MYO18B: variants seen among roughly 807,000 people sequenced by gnomAD.
MYO18B encodes the protein unconventional myosin-XVIIIb.
In MYO18B, 204 loss-of-function variants were observed where a neutral mutation model predicts 273.0. That is an observed-to-expected ratio of 0.75 (90% CI 0.67 to 0.84). MYO18B has a LOEUF of 0.84. Among genes scored for constraint, MYO18B ranks in the 40% least tolerant of loss-of-function variants. MYO18B has a pLI of 0.00. For synonymous variants in MYO18B, 1,330 were observed against 1,305.7 expected, an observed-to-expected ratio of 1.02 and a Z score of -0.40; for missense variants, 3,212 against 3,287.6, an observed-to-expected ratio of 0.98 and a Z score of 0.56.
chr22:26,008,533 T>A (rs761544644), intron 42 of MYO18B, among the ~76,000 whole-genome samples: 3 of 152,212 alleles, frequency 2.0e-5, no homozygotes, highest in Admixed American at 6.5e-5. Context: ...ATTCCCCACA[T>A]TATTTATAAG....
At chr22:25,887,420 A>G (rs987793681) in intron 25 of MYO18B, among the ~76,000 whole-genome samples, 8 of 152,178 alleles carry the variant, frequency 5.3e-5, no homozygotes, top group Admixed American at 3.3e-4. Context: ...TACAAAATAT[A>G]CAACAAATTT....
intron 1 of MYO18B, among the ~76,000 whole-genome samples, chr22:25,759,479 T>C (rs909322745): frequency 6.7e-6 from 1 of 148,710 alleles, no homozygotes; most frequent in African/African-American, 2.5e-5. Flanking sequence ...TGAGAACACA[T>C]GGACACAGGG....
At chr22:25,857,329 A>G (rs2090602049) in intron 21 of MYO18B, among the ~76,000 whole-genome samples, 1 of 152,174 alleles carries the variant, frequency 6.6e-6, no homozygotes, top group African/African-American at 2.4e-5. Context: ...AAGTGTCTAC[A>G]GTGTTGATTG....
intron 3 of MYO18B, among the ~76,000 whole-genome samples, chr22:25,767,719 G>T (rs1027613133): frequency 6.6e-6 from 1 of 152,192 alleles, no homozygotes; most frequent in South Asian, 2.1e-4. Flanking sequence ...CACACTATGC[G>T]CTGGGCTCAG....
chr22:25,822,635 G>A (rs1482923139), intron 12 of MYO18B, among the ~76,000 whole-genome samples: 1 of 152,216 alleles, frequency 6.6e-6, no homozygotes, highest in Non-Finnish European at 1.5e-5. Context: ...AGCAGGACGA[G>A]TCACAGACAA....
chr22:25,927,357 C>A (rs2092435940), intron 34 of MYO18B, among the ~76,000 whole-genome samples: 1 of 152,118 alleles, frequency 6.6e-6, no homozygotes, highest in South Asian at 2.1e-4. Flanking sequence ...TTATAAACAG[C>A]CCCCCTAGGT....
intron 26 of MYO18B, 140 bp from the exon 27 acceptor site, chr22:25,891,164 A>G: frequency 1.4e-6 from 1 of 726,498 alleles, no homozygotes. Context: ...GAAGGTGGCT[A>G]GCCCATGGTC....
At chr22:26,019,036 A>T (rs2146979273) in intron 42 of MYO18B, among the ~76,000 whole-genome samples, 1 of 152,322 alleles carries the variant, frequency 6.6e-6, no homozygotes, top group Non-Finnish European at 1.5e-5. Flanking sequence ...CTGCATTTAT[A>T]GTCTGTGCTT....
chr22:25,955,561 G>A (rs934029435), intron 39 of MYO18B, among the ~76,000 whole-genome samples, 197 bp downstream of exon 39: 1 of 152,184 alleles, frequency 6.6e-6, no homozygotes, highest in Non-Finnish European at 1.5e-5. Flanking sequence ...CTGGAGGTGG[G>A]CCCAAAGTGG....
At chr22:26,010,584 A>G (rs920749790) in intron 42 of MYO18B, among the ~76,000 whole-genome samples, 1 of 152,192 alleles carries the variant, frequency 6.6e-6, no homozygotes, top group Admixed American at 6.5e-5. Flanking sequence ...AGAATTAACA[A>G]CTGTAGCAAA....
intron 14 of MYO18B, among the ~76,000 whole-genome samples, chr22:25,828,154 A>C (rs1452849435): frequency 6.6e-6 from 1 of 152,136 alleles, no homozygotes; most frequent in Non-Finnish European, 1.5e-5. Context: ...CCCTCACAAC[A>C]GCCCTCTGAG....
chr22:25,963,178 T>TCTCACACA (rs774304270), intron 39 of MYO18B, among the ~76,000 whole-genome samples: 18 of 144,180 alleles, frequency 1.2e-4, no homozygotes, highest in African/African-American at 4.2e-4. Context: ...TCTCTCTCTC[T>TCTCACACA]CACACACACA....
intron 27 of MYO18B, among the ~76,000 whole-genome samples, chr22:25,894,069 A>G (rs970793671): frequency 1.3e-4 from 20 of 152,214 alleles, no homozygotes; most frequent in African/African-American, 2.4e-4. Context: ...AGCATTTACT[A>G]TATGCTAGGC....
In MYO18B at chr22:25,772,384, T is replaced by C. The variant is rs753823178; in HGVS notation, c.1743T>C (p.Ser581=). Residue 581 remains serine (S), a synonymous_variant, in exon 7 of 44, where the codon AGT becomes AGC. Coordinates refer to ENST00000335473, the MANE Select transcript of MYO18B (RefSeq NM_032608.7). ...TCGAGGACCTGGCCTCTCTCATCAGTGTCAACGAATCCAGTGTCCTGAACA... is the reference window on the plus strand; with the variant it reads ...TCGAGGACCTGGCCTCTCTCATCAGCGTCAACGAATCCAGTGTCCTGAACA... ...DQVEDLASLI[S]VNESSVLNTL... The C allele has an allele frequency of 3.1e-6, 5 of 1,613,982 alleles. No homozygotes were observed. Among genetic ancestry groups the C allele is most frequent in the Non-Finnish European group, 4.2e-6 (5 of 1,179,884 alleles).
chr22:26,014,330 C>A (rs962894436), intron 42 of MYO18B, among the ~76,000 whole-genome samples: 1 of 152,118 alleles, frequency 6.6e-6, no homozygotes, highest in Non-Finnish European at 1.5e-5. Flanking sequence ...TATGTATATA[C>A]GTCTGTCTAT....
intron 39 of MYO18B, among the ~76,000 whole-genome samples, chr22:25,984,234 T>C (rs1270306463): frequency 6.6e-6 from 1 of 152,166 alleles, no homozygotes; most frequent in African/African-American, 2.4e-5. Context: ...TAGTAACTCT[T>C]TGGGATTTGC....
At chr22:25,837,510 T>G (rs79330885) in intron 17 of MYO18B, among the ~76,000 whole-genome samples, 1,830 of 152,304 alleles carry the variant, frequency 0.012, 40 homozygotes, top group African/African-American at 0.042. Context: ...AGATGCATCT[T>G]GATGGAATGT....
chr22:25,998,264 A>C (rs116578742), intron 40 of MYO18B, among the ~76,000 whole-genome samples: 1,563 of 152,294 alleles, frequency 0.01, 26 homozygotes, highest in African/African-American at 0.036. Context: ...CCAGGCCTAA[A>C]GTATGCTCAT....
chr22:25,791,469 T>C (rs2331159), intron 11 of MYO18B, among the ~76,000 whole-genome samples: 147,751 of 152,356 alleles, frequency 0.97, 71,751 homozygotes, highest in Non-Finnish European at 0.99. Context: ...CCTCACACTG[T>C]GCCCTTGCTG....
Sources: allele counts gnomAD v4.1 joint callset (sites outside exome capture counted in the v4.1 genomes callset), GRCh38; gene constraint gnomAD v4.1.1; transcripts MANE v1.5; gene names NCBI Gene and HGNC (gene_info 2026-07-23, HGNC 2026-07-21).